CSMD1: variants seen among roughly 807,000 people sequenced by gnomAD.
The protein encoded by CSMD1 is CUB and Sushi multiple domains 1, also known as CUB and sushi domain-containing protein 1.
In CSMD1, 213 loss-of-function variants were observed where a neutral mutation model predicts 417.5. The ratio of observed to expected loss-of-function variants is 0.51; its 90% CI spans 0.46 to 0.57. CSMD1 has a LOEUF of 0.57. Ranked by LOEUF, CSMD1 falls within the 20% of genes least tolerant of loss-of-function variation. The pLI is 0.00. For synonymous variants in CSMD1, 2,862 were observed against 1,736.8 expected (o/e 1.65, Z -16.11); for missense variants, 6,923 against 4,529.7 (o/e 1.53, Z -15.17).
intron 1 of CSMD1, among the ~76,000 whole-genome samples, chr8:4,905,681 G>C (rs567685400): frequency 6.6e-6 from 1 of 151,744 alleles, no homozygotes; most frequent in African/African-American, 2.4e-5. Flanking sequence ...TTAGCCGGGC[G>C]TGGTGGCGGG....
At chr8:4,687,774 C>T (rs1252962922) in intron 1 of CSMD1, among the ~76,000 whole-genome samples, 1 of 151,990 alleles carries the variant, frequency 6.6e-6, no homozygotes, top group Non-Finnish European at 1.5e-5. Flanking sequence ...TGTCACCCTC[C>T]TTCACTAATG....
At chr8:4,201,410 C>T (rs1799637404) in intron 3 of CSMD1, among the ~76,000 whole-genome samples, 1 of 151,644 alleles carries the variant, frequency 6.6e-6, no homozygotes, top group Admixed American at 6.6e-5. Context: ...TGGCGCTGGG[C>T]GCCTGTAGTC....
chr8:4,912,254 G>A (rs886713161), intron 1 of CSMD1, among the ~76,000 whole-genome samples: 4 of 152,046 alleles, frequency 2.6e-5, no homozygotes, highest in African/African-American at 7.2e-5. Flanking sequence ...GAAATTATTG[G>A]CAAGAACATG....
intron 5 of CSMD1, among the ~76,000 whole-genome samples, chr8:3,873,947 A>C (rs1441259673): frequency 1.3e-5 from 2 of 152,166 alleles, no homozygotes; most frequent in African/African-American, 4.8e-5. Context: ...CTGAAAAGAG[A>C]ACAGTGCAGT....
intron 10 of CSMD1, among the ~76,000 whole-genome samples, chr8:3,523,820 C>T (rs542615880): frequency 1.7e-4 from 26 of 148,592 alleles, no homozygotes; most frequent in Non-Finnish European, 2.7e-4. Context: ...CACACACGCA[C>T]ATATGCATGC....
intron 2 of CSMD1, among the ~76,000 whole-genome samples, chr8:4,483,355 C>T (rs535722250): frequency 2.0e-5 from 3 of 152,250 alleles, no homozygotes; most frequent in Admixed American, 6.5e-5. Flanking sequence ...ACAAATACAC[C>T]AGTAGATAAA....
chr8:3,107,331 G>A (rs1334985651), intron 45 of CSMD1, among the ~76,000 whole-genome samples: 1 of 152,074 alleles, frequency 6.6e-6, no homozygotes, highest in African/African-American at 2.4e-5. Context: ...CATCCTTTCA[G>A]CCGCAAATGA....
At chr8:4,088,920 A>G (rs1031945727) in intron 3 of CSMD1, among the ~76,000 whole-genome samples, 7 of 152,122 alleles carry the variant, frequency 4.6e-5, no homozygotes, top group Non-Finnish European at 1.0e-4. Context: ...TCAGCGAAAA[A>G]GCACTCCCCT....
At chr8:3,751,139 C>T (rs947403220) in intron 6 of CSMD1, among the ~76,000 whole-genome samples, 1 of 152,060 alleles carries the variant, frequency 6.6e-6, no homozygotes, top group African/African-American at 2.4e-5. Flanking sequence ...CTTCCTTGTA[C>T]CGTGTTGTCT....
intron 3 of CSMD1, among the ~76,000 whole-genome samples, chr8:4,222,732 C>G (rs998077278): frequency 1.3e-5 from 2 of 152,074 alleles, no homozygotes; most frequent in Admixed American, 6.5e-5. Flanking sequence ...AAAAAGTGGT[C>G]AAACACTCTT....
rs551265385 is a variant in CSMD1 at position 3,953,540 on chromosome 8, T to C, written c.818+44363A>G. ...GATAATGACATTGCCCTGAGTGGAG[T>C]TTTACAGCTTCAGGACTTCCCTGGG... On this transcript the variant is annotated intron_variant, in intron 5 of 69. Coordinates refer to ENST00000635120, the MANE Select transcript of CSMD1 (RefSeq NM_033225.6). Among the ~76,000 whole-genome samples the C allele has an allele frequency of 2.0e-5, 3 of 150,384 alleles. No individual in the cohort carries two copies. In the South Asian group the frequency reaches 6.3e-4, roughly 32 times the overall value.
chr8:3,970,303 G>C (rs79780000), intron 5 of CSMD1, among the ~76,000 whole-genome samples: 1 of 152,246 alleles, frequency 6.6e-6, no homozygotes, highest in East Asian at 1.9e-4. Flanking sequence ...TCTAAGAGTA[G>C]AGGCACGGTG....
intron 2 of CSMD1, among the ~76,000 whole-genome samples, chr8:4,438,490 G>C (rs990185090): frequency 6.6e-6 from 1 of 152,192 alleles, no homozygotes. Context: ...GGGTTCCACA[G>C]CACCTGGCTG....
intron 1 of CSMD1, among the ~76,000 whole-genome samples, chr8:4,821,464 G>C (rs185390621): frequency 3.9e-5 from 6 of 152,248 alleles, no homozygotes; most frequent in Admixed American, 2.0e-4. Flanking sequence ...CAGTAAGACA[G>C]TACAGGGAAC....
chr8:4,942,947 A>G (rs1808112776), intron 1 of CSMD1, among the ~76,000 whole-genome samples: 1 of 152,220 alleles, frequency 6.6e-6, no homozygotes, highest in Admixed American at 6.5e-5. Context: ...ATGGGTGTGC[A>G]TTCAGGATTG....
At chr8:3,714,031 G>GATAGATAC (rs1245221071) in intron 6 of CSMD1, among the ~76,000 whole-genome samples, 2 of 148,268 alleles carry the variant, frequency 1.3e-5, no homozygotes. Context: ...TATGCAGATA[G>GATAGATAC]ATAGATAGAT....
chr8:3,133,089 G>T (rs1395896967), intron 41 of CSMD1, among the ~76,000 whole-genome samples: 1 of 152,218 alleles, frequency 6.6e-6, no homozygotes, highest in Non-Finnish European at 1.5e-5. Context: ...GCGTGAGCCT[G>T]CATCCTTCCC....
intron 26 of CSMD1, among the ~76,000 whole-genome samples, chr8:3,232,351 C>G (rs1258701753): frequency 6.6e-6 from 1 of 152,170 alleles, no homozygotes; most frequent in Admixed American, 6.5e-5. Context: ...AGTTCTGTGA[C>G]TCTCTGTCTC....
intron 68 of CSMD1, among the ~76,000 whole-genome samples, chr8:2,943,739 G>C (rs1182225830): frequency 2.0e-5 from 3 of 152,180 alleles, no homozygotes; most frequent in African/African-American, 7.2e-5. Flanking sequence ...ATATAATTTT[G>C]AGATGGATTT....
Sources: gnomAD v4.1 joint callset for allele counts (sites outside exome capture counted in the v4.1 genomes callset) on GRCh38, gnomAD v4.1.1 for gene constraint, MANE v1.5 for transcripts, NCBI Gene and HGNC (gene_info 2026-07-23, HGNC 2026-07-21) for gene names.